The following HHIP variants were observed in gnomAD, a reference collection of about 807,000 sequenced individuals.
The protein encoded by HHIP is hedgehog interacting protein.
Under a neutral mutation model 74.0 loss-of-function variants are expected in HHIP, and 12 were observed. That is an observed-to-expected ratio of 0.16 (90% CI 0.10 to 0.26). The LOEUF (loss-of-function observed/expected upper bound fraction) is 0.26, where lower values mean the gene tolerates loss of function less well. Ranked by LOEUF, HHIP falls within the 10% of genes least tolerant of loss-of-function variation. The pLI, the probability that HHIP is intolerant of heterozygous loss-of-function variation, is 1.00. For missense variants in HHIP, 788 were observed against 845.0 expected, an observed-to-expected ratio of 0.93 and a Z score of 0.84; for synonymous variants, 309 against 311.6, an observed-to-expected ratio of 0.99 and a Z score of 0.09.
chr4:144,715,464 C>T (rs767186335), intron 10 of HHIP, 34 bp downstream of exon 10: 8 of 1,587,556 alleles, frequency 5.0e-6, no homozygotes, highest in Non-Finnish European at 1.7e-6. Context: ...AAGTTTCATT[C>T]TCACTTCCTT....
chr4:144,734,631 G>T, intron 11 of HHIP, 110 bp from the exon 12 acceptor site: 8 of 672,320 alleles, frequency 1.2e-5, no homozygotes, highest in Admixed American at 3.6e-5. Context: ...AAAAAAAAAA[G>T]TCTCTCTAGA....
chr4:144,683,544 A>C (rs1729401116), intron 4 of HHIP, among the ~76,000 whole-genome samples: 1 of 152,250 alleles, frequency 6.6e-6, no homozygotes, highest in Non-Finnish European at 1.5e-5. Flanking sequence ...GATAAATTAT[A>C]GTATACCAAC....
At position 144,739,116 on chromosome 4, in the gene HHIP, A is replaced by G. The variant is rs1031689369; in HGVS notation, c.*1159A>G. On this transcript the variant is annotated 3_prime_UTR_variant, in exon 13 of 13. Transcript: ENST00000296575. ...TAATTCTTGCCAAATATGACTTTAA[A>G]TGTACGTGTTCCTTCAGAACTCAAT... 6.6e-5 allele frequency: 10 copies of G among 152,212 alleles called. No homozygotes were observed. Among genetic ancestry groups the G allele is most frequent in the African/African-American group, 2.4e-4 (10 of 41,458 alleles). 9.4% of individuals were successfully genotyped at this position (152,212 alleles called of 1,614,324 possible). A position where few individuals can be genotyped will look rare whatever the true frequency, so the allele number is the denominator to read the frequency against.
intron 7 of HHIP, among the ~76,000 whole-genome samples, chr4:144,710,563 T>G (rs1475443516): frequency 6.6e-6 from 1 of 152,220 alleles, no homozygotes; most frequent in Non-Finnish European, 1.5e-5. Context: ...TTTTTTAAAT[T>G]TCTTTATTAG....
At chr4:144,708,937 C>A (rs1357536895) in intron 7 of HHIP, among the ~76,000 whole-genome samples, 1 of 152,082 alleles carries the variant, frequency 6.6e-6, no homozygotes, top group Non-Finnish European at 1.5e-5. Flanking sequence ...GTTGGTACTA[C>A]CATGAACCAA....
chr4:144,743,818 T>G lies in HHIP; in HGVS notation c.*5861T>G, dbSNP rs1731323431. 6.6e-6 allele frequency: 1 copy of G among 152,142 alleles called. No individual in the cohort carries two copies. Among genetic ancestry groups the G allele is most frequent in the South Asian group, 2.1e-4 (1 of 4,826 alleles). The allele number at this position is 152,142 out of a possible 1,614,324, so 9.4% of individuals were successfully genotyped here. A position where few individuals can be genotyped will look rare whatever the true frequency, so the allele number is the denominator to read the frequency against. ...TGTCTTTGCAGTTACAAACTAATTC[T>G]TGTACATTTTCCTTTTCACTAAAAA... On this transcript the variant is annotated 3_prime_UTR_variant, in exon 13 of 13. Transcript: ENST00000296575.
In HHIP at chr4:144,737,897, T is replaced by G. The variant is rs200280495; in HGVS notation, c.2043T>G (p.Ile681Met). 1.2e-5 allele frequency: 19 copies of G among 1,613,616 alleles called. No individual in the cohort carries two copies. Among genetic ancestry groups the G allele is most frequent in the Non-Finnish European group, 1.5e-5 (18 of 1,179,650 alleles). ...TCCGCAGAGTGACCAGGGCAGGTAT[T>G]CTTGATCAGATCATTGACATGACAT... Reference protein sequence around the residue: ...RNIRRVTRAGILDQIIDMTSY... With the variant: ...RNIRRVTRAGMLDQIIDMTSY... Residue 681 changes from isoleucine (I) to methionine (M), a missense_variant, in exon 13 of 13, where the codon ATT becomes ATG. Physicochemically the swap from Ile to Met is conservative, Grantham distance 10. This residue lies in a region of HHIP where 343 missense variants were observed against 347.9 expected (regional missense o/e 0.99). Coordinates refer to ENST00000296575, the MANE Select transcript of HHIP (RefSeq NM_022475.3).
intron 1 of HHIP, chr4:144,648,644 T>C (rs1728336973): frequency 6.6e-6 from 1 of 152,132 alleles, no homozygotes; most frequent in African/African-American, 2.4e-5. Context: ...TATTTGCCAT[T>C]AAGTCTCCCT....
intron 11 of HHIP, among the ~76,000 whole-genome samples, chr4:144,719,804 G>A (rs1022120049): frequency 2.0e-5 from 3 of 152,154 alleles, no homozygotes; most frequent in African/African-American, 7.2e-5. Context: ...GCAAATTTCG[G>A]ATTCCTTCTA....
chr4:144,722,113 T>G (rs958251593), intron 11 of HHIP, among the ~76,000 whole-genome samples: 4 of 152,136 alleles, frequency 2.6e-5, no homozygotes, highest in African/African-American at 9.7e-5. Flanking sequence ...GAATTCAGCA[T>G]GCCATAGCCT....
At chr4:144,659,928 TAAAAG>T in intron 4 of HHIP, 90 bp downstream of exon 4, 1 of 957,212 alleles carries the variant, frequency 1.0e-6, no homozygotes, top group Non-Finnish European at 1.6e-6. Context: ...TTCTTTGTAA[TAAAAG>T]AAAGAATCTT....
At chr4:144,710,131 C>T (rs573580680) in intron 7 of HHIP, among the ~76,000 whole-genome samples, 3 of 152,312 alleles carry the variant, frequency 2.0e-5, no homozygotes, top group African/African-American at 7.2e-5. Context: ...GGTATTCAGC[C>T]AGAGCCATAG....
intron 4 of HHIP, among the ~76,000 whole-genome samples, chr4:144,686,656 C>A (rs1235599799): frequency 6.6e-6 from 1 of 152,084 alleles, no homozygotes; most frequent in Non-Finnish European, 1.5e-5. Context: ...CATAAAATTT[C>A]TAAAAACAAC....
chr4:144,660,826 C>G (rs544355660), intron 4 of HHIP, among the ~76,000 whole-genome samples: 1 of 152,200 alleles, frequency 6.6e-6, no homozygotes, highest in East Asian at 1.9e-4. Context: ...GTACATTTTA[C>G]TTAATCTGGT....
At chr4:144,670,629 T>C (rs138878604) in intron 4 of HHIP, among the ~76,000 whole-genome samples, 7 of 151,200 alleles carry the variant, frequency 4.6e-5, no homozygotes, top group Non-Finnish European at 8.9e-5. Flanking sequence ...TCCTCAGGCT[T>C]TTCTAGATAG....
intron 11 of HHIP, among the ~76,000 whole-genome samples, chr4:144,727,866 C>T (rs1316996961): frequency 1.3e-5 from 2 of 151,850 alleles, no homozygotes; most frequent in African/African-American, 4.8e-5. Context: ...TACCTTTTTT[C>T]CTAAAGTAAG....
intron 4 of HHIP, among the ~76,000 whole-genome samples, chr4:144,677,856 A>T (rs1049325908): frequency 6.6e-6 from 1 of 152,096 alleles, no homozygotes; most frequent in Non-Finnish European, 1.5e-5. Context: ...CTTAATGTTC[A>T]TATAATATTT....
At chr4:144,660,099 T>C in intron 4 of HHIP, 1 of 527,426 alleles carries the variant, frequency 1.9e-6, no homozygotes, top group Non-Finnish European at 3.3e-6. Context: ...TTTAAAGGAA[T>C]CTTTGGCTTT....
intron 4 of HHIP, among the ~76,000 whole-genome samples, chr4:144,686,849 C>T (rs1338256580): frequency 6.6e-6 from 1 of 151,822 alleles, no homozygotes; most frequent in Non-Finnish European, 1.5e-5. Context: ...TGGTAGAACC[C>T]TAGTCTGGGT....
Sources: allele counts gnomAD v4.1 joint callset (sites outside exome capture counted in the v4.1 genomes callset), GRCh38; gene constraint gnomAD v4.1.1; regional missense constraint gnomAD v4.1.1; transcripts MANE v1.5; gene names NCBI Gene and HGNC (gene_info 2026-07-23, HGNC 2026-07-21).